SLCO1A2: variants seen among roughly 807,000 people sequenced by gnomAD.
SLCO1A2 encodes OATP-1.
SLCO1A2 carries 67 observed loss-of-function variants against 69.0 expected under a neutral mutation model. The observed-to-expected ratio is 0.97, with a 90% CI of 0.80 to 1.19. The LOEUF is 1.19. Ranked by LOEUF, SLCO1A2 falls within the 50% of genes most tolerant of loss-of-function variation. The probability of loss-of-function intolerance (pLI) is 0.00; values close to 1 mark genes in which losing one functional copy is unlikely to be tolerated. For synonymous variants in SLCO1A2, 260 were observed against 265.9 expected, an observed-to-expected ratio of 0.98 and a Z score of 0.22; for missense variants, 787 against 793.7, an observed-to-expected ratio of 0.99 and a Z score of 0.10.
intron 4 of SLCO1A2, among the ~76,000 whole-genome samples, chr12:21,310,605 T>C (rs1412011043): frequency 1.3e-5 from 2 of 152,204 alleles, no homozygotes; most frequent in East Asian, 3.9e-4. Context: ...TGTTGTGTTG[T>C]TGTTGTTTGT....
chr12:21,377,754 G>A (rs1940306878), intron 1 of SLCO1A2, among the ~76,000 whole-genome samples: 1 of 152,050 alleles, frequency 6.6e-6, no homozygotes, highest in African/African-American at 2.4e-5. Context: ...GACATTTCTT[G>A]CATAACACTC....
At chr12:21,342,729 T>C (rs1252788221) in intron 2 of SLCO1A2, among the ~76,000 whole-genome samples, 1 of 152,102 alleles carries the variant, frequency 6.6e-6, no homozygotes, top group Non-Finnish European at 1.5e-5. Context: ...GATCTAAAAT[T>C]AAACATTTTA....
intron 2 of SLCO1A2, chr12:21,355,082 A>C (rs1938258833): frequency 6.6e-6 from 1 of 152,174 alleles, no homozygotes; most frequent in Non-Finnish European, 1.5e-5. Context: ...AAATCAACTT[A>C]ACACAAAGAT....
At position 21,314,548 on chromosome 12, in the gene SLCO1A2, C is replaced by T. The variant is rs79044647; in HGVS notation, c.335+1G>A. On this transcript the variant is annotated splice_donor_variant, in intron 4 of 14. Coordinates refer to ENST00000683939, the MANE Select transcript of SLCO1A2 (RefSeq NM_001386879.1). LOFTEE classifies it high-confidence loss of function. The stretch of plus-strand genomic sequence containing the variant: ...CAAAATTATCAGACTGGAGTACTTA[C>T]TGGTTCATGAGGAAATGAGGTAGTG... 192 of 1,613,576 alleles carry T rather than the reference C, an allele frequency of 1.2e-4. 1 individual carries two copies. In the East Asian group the frequency reaches 4.1e-3, roughly 34 times the overall value.
rs368438816 is a variant in SLCO1A2, at chr12:21,310,259, ATTTT to A, written c.336-3275_336-3272del. 4.3e-3 allele frequency among the ~76,000 whole-genome samples: 658 copies of A among 152,316 alleles called. 10 individuals carry two copies. The highest frequency in any genetic ancestry group is 0.015 in the African/African-American group (633 of 41,580). On this transcript the variant is annotated intron_variant, in intron 4 of 14. Coordinates refer to ENST00000683939, the MANE Select transcript of SLCO1A2 (RefSeq NM_001386879.1). ...TAACACAATAAAGCAACTCACATGA[ATTTT>A]TTTAATTTTCTAATGCATATAAAAG...
chr12:21,348,176 C>T (rs1216521497), intron 2 of SLCO1A2, among the ~76,000 whole-genome samples: 1 of 152,082 alleles, frequency 6.6e-6, no homozygotes, highest in Non-Finnish European at 1.5e-5. Context: ...AGGCATGTAA[C>T]CTAAAATAAG....
intron 2 of SLCO1A2, chr12:21,373,317 T>C: frequency 1.5e-6 from 2 of 1,376,524 alleles, no homozygotes; most frequent in Non-Finnish European, 2.1e-6. Context: ...TTGATTTCAG[T>C]GCTGGATTAT....
chr12:21,270,920 T>A (rs1480483568), intron 14 of SLCO1A2, among the ~76,000 whole-genome samples: 1 of 151,688 alleles, frequency 6.6e-6, no homozygotes, highest in African/African-American at 2.4e-5. Context: ...ACATAGCTCT[T>A]TACTTTCTTA....
At chr12:21,304,770 G>C (rs1486220945) in intron 5 of SLCO1A2, among the ~76,000 whole-genome samples, 197 bp from the exon 6 acceptor site, 2 of 152,170 alleles carry the variant, frequency 1.3e-5, no homozygotes, top group Non-Finnish European at 2.9e-5. Flanking sequence ...ATGGACAAGT[G>C]TAAGTGATAT....
intron 12 of SLCO1A2, among the ~76,000 whole-genome samples, chr12:21,290,232 T>C (rs1052063004): frequency 6.6e-6 from 1 of 152,108 alleles, no homozygotes; most frequent in Non-Finnish European, 1.5e-5. Flanking sequence ...GGATATTACA[T>C]GTTCAAAAAT....
At position 21,268,650 on chromosome 12, in the gene SLCO1A2, A is replaced by G. The variant is rs765301308; in HGVS notation, c.*898T>C. ...GTTTCATAACAGAAGCTATTGTCTA[A>G]GATTATTTTGGGAAAATTAGTGTTT... On this transcript the variant is annotated 3_prime_UTR_variant, in exon 15 of 15. Transcript: ENST00000683939. 5.9e-5 allele frequency: 9 copies of G among 152,108 alleles called. No homozygotes were observed. Among genetic ancestry groups the G allele is most frequent in the Non-Finnish European group, 1.2e-4 (8 of 68,002 alleles). 9.4% of individuals were successfully genotyped at this position (152,108 alleles called of 1,614,324 possible).
intron 6 of SLCO1A2, 57 bp downstream of exon 6, chr12:21,304,369 TC>T: frequency 7.3e-7 from 1 of 1,366,154 alleles, no homozygotes; most frequent in Non-Finnish European, 1.0e-6. Context: ...ATAACTAATT[TC>T]TAACCTCAAG....
upstream of SLCO1A2, among the ~76,000 whole-genome samples, chr12:21,400,378 C>G (rs1269693723): frequency 6.6e-6 from 1 of 151,744 alleles, no homozygotes; most frequent in Admixed American, 6.6e-5. Flanking sequence ...CAGGAAGCAA[C>G]AGATGCTGGA....
At chr12:21,378,516 A>G in intron 1 of SLCO1A2, 5 of 1,080,658 alleles carry the variant, frequency 4.6e-6, no homozygotes, top group Non-Finnish European at 7.1e-6. Context: ...GTGTGAATAT[A>G]TGGTCTGTGT....
intron 1 of SLCO1A2, among the ~76,000 whole-genome samples, chr12:21,409,474 A>G (rs1941873201): frequency 6.6e-6 from 1 of 152,134 alleles, no homozygotes; most frequent in African/African-American, 2.4e-5. Flanking sequence ...AGATTTGGAT[A>G]TTTGAAACAG....
chr12:21,309,274 A>G (rs1361680607), intron 4 of SLCO1A2, among the ~76,000 whole-genome samples: 1 of 152,202 alleles, frequency 6.6e-6, no homozygotes, highest in East Asian at 1.9e-4. Flanking sequence ...GTTATGAAAG[A>G]AGGTATAGGG....
chr12:21,264,922 A>G lies in SLCO1A2; in HGVS notation c.*4626T>C, dbSNP rs1167001184. ...TGCAGAGGTGTGGGGAATGGTGACAATGGAGGCACTGCCCATCTTCCCATG... is the reference window on the plus strand; with the variant it reads ...TGCAGAGGTGTGGGGAATGGTGACAGTGGAGGCACTGCCCATCTTCCCATG... On this transcript the variant is annotated 3_prime_UTR_variant, in exon 15 of 15. Transcript: ENST00000683939. The G allele has an allele frequency of 2.0e-5, 3 of 152,500 alleles. No individual in the cohort carries two copies. The highest frequency in any genetic ancestry group is 1.3e-4 in the Admixed American group (2 of 15,256). 9.4% of individuals were successfully genotyped at this position (152,500 alleles called of 1,614,324 possible).
intron 13 of SLCO1A2, 133 bp downstream of exon 13, chr12:21,275,227 C>T (rs994931919): frequency 3.4e-6 from 3 of 883,206 alleles, no homozygotes; most frequent in African/African-American, 3.5e-5. Context: ...GTGCAGCACA[C>T]CAACATGGCA....
chr12:21,340,363 A>G (rs1022775663), intron 2 of SLCO1A2, among the ~76,000 whole-genome samples: 2 of 152,054 alleles, frequency 1.3e-5, no homozygotes, highest in African/African-American at 4.8e-5. Context: ...CGTATTTGTT[A>G]CCATTGCTTT....
Sources: gnomAD v4.1 joint callset for allele counts (sites outside exome capture counted in the v4.1 genomes callset) on GRCh38, gnomAD v4.1.1 for gene constraint, MANE v1.5 for transcripts, NCBI Gene and HGNC (gene_info 2026-07-23, HGNC 2026-07-21) for gene names.